The following RBFOX1 variants were observed in gnomAD, a reference collection of about 807,000 sequenced individuals.
The protein encoded by RBFOX1 is RNA binding fox-1 homolog 1, also known as RNA binding protein fox-1 homolog 1.
RBFOX1 carries 8 observed loss-of-function variants against 57.7 expected under a neutral mutation model. The observed-to-expected ratio is 0.14, with a 90% confidence interval of 0.08 to 0.25. RBFOX1 has a LOEUF of 0.25. Among genes scored for constraint, RBFOX1 ranks in the 10% least tolerant of loss-of-function variants. RBFOX1 has a pLI of 1.00. For synonymous variants in RBFOX1, 326 were observed against 222.4 expected (o/e 1.47, Z -4.15); for missense variants, 611 against 548.5 (o/e 1.11, Z -1.14).
intron 3 of RBFOX1, among the ~76,000 whole-genome samples, chr16:5,737,090 C>T (rs951737083): frequency 6.6e-6 from 1 of 152,006 alleles, no homozygotes; most frequent in African/African-American, 2.4e-5. Flanking sequence ...ACTTGCATTG[C>T]CCATAATCTG....
At chr16:5,389,025 A>G (rs1257590890) in intron 1 of RBFOX1, among the ~76,000 whole-genome samples, 1 of 151,338 alleles carries the variant, frequency 6.6e-6, no homozygotes, top group Middle Eastern at 3.4e-3. Context: ...CCCCATCTCT[A>G]GTAAAAATAC....
chr16:7,699,574 A>G (rs2079976283), intron 14 of RBFOX1, among the ~76,000 whole-genome samples: 1 of 152,162 alleles, frequency 6.6e-6, no homozygotes, highest in African/African-American at 2.4e-5. Flanking sequence ...GGAGCCCTTG[A>G]GATGTGGCCA....
Position 5,265,654 on chromosome 16 carries a change from A to G in RBFOX1, c.219+25549A>G, listed in dbSNP as rs561596974. Among the ~76,000 whole-genome samples, 261 of 152,290 alleles carry G rather than the reference A, an allele frequency of 1.7e-3. 1 individual carries two copies. The highest frequency in any genetic ancestry group is 3.1e-3 in the Admixed American group (47 of 15,294). ...AAGTGTTTGTTTTTTTTAGATCTAT[A>G]TTCTTGAGTAAAGCAAAAATCCATC... On this transcript the variant is annotated intron_variant, in intron 1 of 2. Coordinates refer to the RBFOX1 transcript ENST00000585867.
rs536276647 is a variant in RBFOX1, at chr16:6,336,699, G to C, written c.-64+19642G>C. Among the ~76,000 whole-genome samples, 128 of 152,216 alleles carry C rather than the reference G, an allele frequency of 8.4e-4. 1 individual carries two copies. The highest frequency in any genetic ancestry group is 2.9e-3 in the African/African-American group (122 of 41,542). ...ATAAGATTCTGTAAAGAGGTGGGGGGGAAATTGGATGAGATGATAGATGTG... is the reference window on the plus strand; with the variant it reads ...ATAAGATTCTGTAAAGAGGTGGGGGCGAAATTGGATGAGATGATAGATGTG... On this transcript the variant is annotated intron_variant, in intron 2 of 15. Coordinates refer to ENST00000550418, the MANE Select transcript of RBFOX1 (RefSeq NM_018723.4).
intron 3 of RBFOX1, among the ~76,000 whole-genome samples, chr16:7,007,049 A>T (rs1171514449): frequency 6.6e-6 from 1 of 152,194 alleles, no homozygotes; most frequent in Non-Finnish European, 1.5e-5. Context: ...TAGTTGGCTC[A>T]TCTGGTTTCT....
chr16:6,458,936 G>A (rs1464931142), intron 2 of RBFOX1, among the ~76,000 whole-genome samples: 1 of 152,190 alleles, frequency 6.6e-6, no homozygotes, highest in Non-Finnish European at 1.5e-5. Flanking sequence ...CTGGTGATTA[G>A]GAGGACTGTG....
chr16:7,596,776 G>A (rs1163192900), intron 8 of RBFOX1, among the ~76,000 whole-genome samples: 1 of 152,136 alleles, frequency 6.6e-6, no homozygotes, highest in African/African-American at 2.4e-5. Context: ...GTTAAACAAT[G>A]CACCCTCTCT....
At chr16:6,029,630 G>A (rs1266313122) in intron 1 of RBFOX1, among the ~76,000 whole-genome samples, 2 of 151,980 alleles carry the variant, frequency 1.3e-5, no homozygotes, top group Non-Finnish European at 1.5e-5. Flanking sequence ...AAAATTAGCC[G>A]GGCGTGGTGG....
intron 4 of RBFOX1, among the ~76,000 whole-genome samples, chr16:7,064,052 G>A (rs2055290810): frequency 6.6e-6 from 1 of 151,952 alleles, no homozygotes; most frequent in Non-Finnish European, 1.5e-5. Flanking sequence ...GGAAGTTCTA[G>A]CCTCTAGTAA....
At chr16:5,524,713 G>C (rs1017576846) in intron 2 of RBFOX1, among the ~76,000 whole-genome samples, 1 of 151,842 alleles carries the variant, frequency 6.6e-6, no homozygotes, top group African/African-American at 2.4e-5. Context: ...GCTAATTTTT[G>C]TATTTTTAGT....
chr16:6,673,110 CT>C (rs2098777878), intron 3 of RBFOX1, among the ~76,000 whole-genome samples: 1 of 152,278 alleles, frequency 6.6e-6, no homozygotes, highest in South Asian at 2.1e-4. Context: ...GCAACACTTG[CT>C]TATAGCAGAC....
intron 3 of RBFOX1, among the ~76,000 whole-genome samples, chr16:6,777,396 G>T (rs13332418): frequency 1.3e-5 from 2 of 152,060 alleles, no homozygotes; most frequent in African/African-American, 2.4e-5. Context: ...CGAGGCAGGC[G>T]CTCGGGGAAT....
At chr16:7,142,586 C>G (rs1327556630) in intron 4 of RBFOX1, among the ~76,000 whole-genome samples, 3 of 152,176 alleles carry the variant, frequency 2.0e-5, no homozygotes, top group Admixed American at 6.5e-5. Context: ...ATATTATTTT[C>G]TCACTGGGAT....
chr16:5,444,657 G>T (rs1214160098), intron 1 of RBFOX1, among the ~76,000 whole-genome samples: 7 of 152,114 alleles, frequency 4.6e-5, no homozygotes, highest in African/African-American at 1.7e-4. Flanking sequence ...ATACAGAATG[G>T]CCAGAGGGAA....
chr16:5,720,610 TC>T (rs2151532567), intron 3 of RBFOX1, among the ~76,000 whole-genome samples: 2 of 152,342 alleles, frequency 1.3e-5, no homozygotes, highest in East Asian at 3.9e-4. Context: ...TTCATTTTTA[TC>T]TATGGTGGAA....
intron 1 of RBFOX1, among the ~76,000 whole-genome samples, chr16:5,398,837 C>G (rs1171692999): frequency 6.6e-6 from 1 of 152,174 alleles, no homozygotes; most frequent in Admixed American, 6.5e-5. Context: ...GAATTTGAGT[C>G]TAGTTTAAGT....
chr16:5,344,929 C>G (rs1206329288), intron 1 of RBFOX1, among the ~76,000 whole-genome samples: 1 of 152,214 alleles, frequency 6.6e-6, no homozygotes, highest in Non-Finnish European at 1.5e-5. Context: ...GTACACCAGA[C>G]ATCCAGGTCC....
At chr16:7,686,661 T>A (rs2076130737) in intron 14 of RBFOX1, among the ~76,000 whole-genome samples, 1 of 152,144 alleles carries the variant, frequency 6.6e-6, no homozygotes, top group Non-Finnish European at 1.5e-5. Flanking sequence ...GGGAAGGGCA[T>A]GTACTGTTTT....
At chr16:6,728,415 G>A (rs2067746028) in intron 3 of RBFOX1, among the ~76,000 whole-genome samples, 1 of 152,140 alleles carries the variant, frequency 6.6e-6, no homozygotes, top group Non-Finnish European at 1.5e-5. Context: ...CTTGAGCCCA[G>A]TTGTATTTTG....
Sources: gnomAD v4.1 joint callset for allele counts (sites outside exome capture counted in the v4.1 genomes callset) on GRCh38, gnomAD v4.1.1 for gene constraint, MANE v1.5 for transcripts, NCBI Gene and HGNC (gene_info 2026-07-23, HGNC 2026-07-21) for gene names.